The following ITCH variants were observed in gnomAD, a reference collection of about 807,000 sequenced individuals.
ITCH encodes E3 ubiquitin-protein ligase Itchy homolog.
ITCH carries 28 observed loss-of-function variants against 126.8 expected under a neutral mutation model. The ratio of observed to expected loss-of-function variants is 0.22; its 90% CI spans 0.16 to 0.30. The LOEUF (loss-of-function observed/expected upper bound fraction) is 0.30, where lower values mean the gene tolerates loss of function less well. Among genes scored for constraint, ITCH ranks in the 10% least tolerant of loss-of-function variants. ITCH has a pLI of 1.00. For missense variants in ITCH, 631 were observed against 1,032.4 expected, an observed-to-expected ratio of 0.61 and a Z score of 5.33; for synonymous variants, 342 against 340.0, an observed-to-expected ratio of 1.01 and a Z score of -0.06.
Position 34,375,812 on chromosome 20 carries a change from A to G in ITCH, c.-22+6342A>G, listed in dbSNP as rs536963722. 5.0e-5 allele frequency among the ~76,000 whole-genome samples: 7 copies of G among 139,784 alleles called. No individual in the cohort carries two copies. The South Asian group carries it at 1.6e-3, about 32-fold the overall frequency. 91.7% of individuals were successfully genotyped at this position (139,784 alleles called of 152,430 possible). On this transcript the variant is annotated intron_variant, in intron 2 of 24. Transcript: ENST00000374864. ...AGGATTGCTTGAGCCTCGGAGTTTG[A>G]GACCAGCTTGAGCAACATAGCGAGA...
chr20:34,451,420 A>G (rs759640282), intron 12 of ITCH, among the ~76,000 whole-genome samples: 9 of 152,164 alleles, frequency 5.9e-5, no homozygotes, highest in Admixed American at 2.6e-4. Context: ...AGATCACACT[A>G]TTGCACTCCA....
intron 3 of ITCH, among the ~76,000 whole-genome samples, chr20:34,394,967 C>T (rs573873782): frequency 6.6e-6 from 1 of 152,060 alleles, no homozygotes; most frequent in Non-Finnish European, 1.5e-5. Flanking sequence ...CACGGTGGCT[C>T]ACACCTGTAA....
At chr20:34,463,643 A>G (rs918527498) in intron 14 of ITCH, among the ~76,000 whole-genome samples, 1 of 150,264 alleles carries the variant, frequency 6.7e-6, no homozygotes, top group Admixed American at 6.6e-5. Flanking sequence ...ATTTTTTTTT[A>G]AATAGTCATC....
intron 14 of ITCH, among the ~76,000 whole-genome samples, chr20:34,468,057 C>T (rs145222230): frequency 0.073 from 9,887 of 134,534 alleles, 1,125 homozygotes; most frequent in African/African-American, 0.25. Flanking sequence ...TTTTTTGAGA[C>T]GGAGTCTCAC....
At chr20:34,424,452 A>C in intron 6 of ITCH, 28 bp from the exon 7 acceptor site, 1 of 1,594,940 alleles carries the variant, frequency 6.3e-7, no homozygotes, top group Non-Finnish European at 8.6e-7. Flanking sequence ...CTTGAAACTC[A>C]TTTTCTGTTT....
intron 2 of ITCH, among the ~76,000 whole-genome samples, chr20:34,377,575 C>G (rs2037893832): frequency 6.6e-6 from 1 of 151,526 alleles, no homozygotes; most frequent in Admixed American, 6.6e-5. Context: ...CTTGAGATAA[C>G]TGATATGGCT....
chr20:34,366,766 CA>C (rs1163587982), intron 1 of ITCH, among the ~76,000 whole-genome samples: 1 of 151,908 alleles, frequency 6.6e-6, no homozygotes, highest in African/African-American at 2.4e-5. Flanking sequence ...GATGTGAGTA[CA>C]TATGTGTTTT....
chr20:34,389,547 A>T (rs1185530103), intron 2 of ITCH, among the ~76,000 whole-genome samples: 1 of 152,174 alleles, frequency 6.6e-6, no homozygotes, highest in African/African-American at 2.4e-5. Flanking sequence ...GGTGAAAAAG[A>T]TTAACTGTAA....
intron 2 of ITCH, among the ~76,000 whole-genome samples, chr20:34,391,890 GTAAT>G (rs1044518890): frequency 1.5e-4 from 23 of 152,076 alleles, no homozygotes; most frequent in Admixed American, 8.5e-4. Flanking sequence ...TTGCAACTTT[GTAAT>G]TAATGTTAAT....
intron 7 of ITCH, among the ~76,000 whole-genome samples, chr20:34,425,485 G>A (rs1027148913): frequency 6.6e-6 from 1 of 152,158 alleles, no homozygotes; most frequent in Admixed American, 6.5e-5. Context: ...TAAGAGGAAG[G>A]TTTCTATCTC....
rs115999847 is a variant in ITCH, at chr20:34,439,876, G to A, written c.680-279G>A. 8.9e-3 allele frequency among the ~76,000 whole-genome samples: 1,358 copies of A among 152,260 alleles called. 19 individuals carry two copies. The highest frequency in any genetic ancestry group is 0.031 in the African/African-American group (1,283 of 41,544). On this transcript the variant is annotated intron_variant, in intron 8 of 24. Transcript: ENST00000374864. Reference sequence around the variant, plus strand: ...ATATTAATAATTTCCTATTCTAAAAGTTTTTATTTCCAGTGACATCAGAAG... The same window carrying A: ...ATATTAATAATTTCCTATTCTAAAAATTTTTATTTCCAGTGACATCAGAAG...
At chr20:34,384,528 C>G (rs953716644) in intron 2 of ITCH, among the ~76,000 whole-genome samples, 13 of 152,032 alleles carry the variant, frequency 8.6e-5, no homozygotes, top group African/African-American at 3.1e-4. Context: ...ATCCACCCGC[C>G]TCAGCTTCCC....
rs1233773204 is a variant in ITCH at position 34,383,935 on chromosome 20, C to T, written c.-21-9856C>T. 2.7e-5 allele frequency among the ~76,000 whole-genome samples: 4 copies of T among 147,668 alleles called. No homozygotes were observed. The Admixed American group carries it at 2.7e-4, about 10-fold the overall frequency. On this transcript the variant is annotated intron_variant, in intron 2 of 24. Coordinates refer to ENST00000374864, the MANE Select transcript of ITCH (RefSeq NM_031483.7). ...TCTTGGCTCGTCGCAACCTCTGCCTCCTGGGTTCAAGCTATTCTTCTGTCT... is the reference window on the plus strand; with the variant it reads ...TCTTGGCTCGTCGCAACCTCTGCCTTCTGGGTTCAAGCTATTCTTCTGTCT...
Position 34,412,640 on chromosome 20 carries a change from G to A in ITCH, c.337+1G>A. On this transcript the variant is annotated splice_donor_variant, in intron 5 of 24. Transcript: ENST00000374864. LOFTEE classifies it high-confidence loss of function. ...ACATTAAAGTCAAACAATATGAAACGTATGTATGTAAGACTAATAGAAATT... is the reference window on the plus strand; with the variant it reads ...ACATTAAAGTCAAACAATATGAAACATATGTATGTAAGACTAATAGAAATT... The A allele has an allele frequency of 6.2e-7, 1 of 1,604,034 alleles. No individual in the cohort carries two copies. The highest frequency in any genetic ancestry group is 8.5e-7 in the Non-Finnish European group (1 of 1,171,588).
intron 6 of ITCH, among the ~76,000 whole-genome samples, chr20:34,418,505 T>A (rs1017511936): frequency 1.3e-5 from 2 of 152,130 alleles, no homozygotes; most frequent in Non-Finnish European, 2.9e-5. Flanking sequence ...AATATATTGA[T>A]AATGTTTCTT....
At position 34,504,391 on chromosome 20, in the gene ITCH, G is replaced by T; in HGVS notation, c.2477G>T (p.Arg826Ile). The stretch of plus-strand genomic sequence containing the variant: ...GTTGGGAAAGAAAATTGGCTACCCA[G>T]AAGTCATACCTGGTAAGTACAATCA... ...EKVGKENWLP[R>I]SHTCFNRLDL... Residue 826 changes from arginine to isoleucine, a missense_variant, in exon 24 of 25, where the codon AGA becomes ATA. Physicochemically the swap from Arg to Ile is moderately conservative, Grantham distance 97 (BLOSUM62 -3). Around this residue, in one of 4 missense-constraint regions of ITCH, gnomAD observed 390 missense variants for 731.6 expected, o/e 0.53. Coordinates refer to ENST00000374864, the MANE Select transcript of ITCH (RefSeq NM_031483.7). 1 of 1,609,744 alleles carries T rather than the reference G, an allele frequency of 6.2e-7. No homozygotes were observed. The highest frequency in any genetic ancestry group is 8.5e-7 in the Non-Finnish European group (1 of 1,176,030).
chr20:34,500,381 T>TA (rs550768381), intron 23 of ITCH, among the ~76,000 whole-genome samples: 81 of 152,194 alleles, frequency 5.3e-4, no homozygotes, highest in Non-Finnish European at 1.0e-3. Context: ...ATAACTCTCA[T>TA]ATCCTCTTGT....
chr20:34,397,635 G>C (rs185370091), intron 3 of ITCH, among the ~76,000 whole-genome samples: 1 of 151,874 alleles, frequency 6.6e-6, no homozygotes, highest in Non-Finnish European at 1.5e-5. Flanking sequence ...GAATTTTTTC[G>C]GATTTCCTTC....
intron 24 of ITCH, 100 bp downstream of exon 24, chr20:34,504,503 C>T (rs1990496770): frequency 1.3e-6 from 1 of 772,174 alleles, no homozygotes; most frequent in Non-Finnish European, 2.3e-6. Context: ...AGTAGATTTA[C>T]AGAATAGCAC....
Sources: allele counts gnomAD v4.1 joint callset (sites outside exome capture counted in the v4.1 genomes callset), GRCh38; gene constraint gnomAD v4.1.1; regional missense constraint gnomAD v4.1.1; transcripts MANE v1.5; gene names NCBI Gene and HGNC (gene_info 2026-07-23, HGNC 2026-07-21).